The following UBE3C variants were observed in gnomAD, a reference collection of about 807,000 sequenced individuals.
UBE3C encodes the protein ubiquitin protein ligase E3C, also known as ubiquitin-protein ligase E3C.
UBE3C carries 42 observed loss-of-function variants against 129.4 expected under a neutral mutation model. That is an observed-to-expected ratio of 0.32 (90% confidence interval 0.25 to 0.42). The LOEUF is 0.42. Ranked by LOEUF, UBE3C falls within the 10% of genes least tolerant of loss-of-function variation. The pLI, the probability that UBE3C is intolerant of heterozygous loss-of-function variation, is 1.00. For synonymous variants in UBE3C, 510 were observed against 492.4 expected (o/e 1.04, Z -0.47); for missense variants, 1,049 against 1,319.1 (o/e 0.80, Z 3.17).
In UBE3C at chr7:157,231,209, A is replaced by G; in HGVS notation, c.2363A>G (p.Asn788Ser). 3.1e-6 allele frequency: 5 copies of G among 1,614,092 alleles called. No individual in the cohort carries two copies. Among genetic ancestry groups the G allele is most frequent in the African/African-American group, 1.3e-5 (1 of 75,002 alleles). ...CTACTGAAGTCAGGATTTAACCCCAACCAGGGGTTCTTTAAGACTACTAAT... is the reference window on the plus strand; with the variant it reads ...CTACTGAAGTCAGGATTTAACCCCAGCCAGGGGTTCTTTAAGACTACTAAT... ...NELLKSGFNP[N>S]QGFFKTTNEG... The change falls in exon 18 of 23, where the codon AAC (asparagine) becomes AGC (serine). Residue 788 changes from asparagine to serine, a missense_variant. By Grantham distance (46) the Asn-to-Ser change is conservative. Around this residue, in one of 4 missense-constraint regions of UBE3C, gnomAD observed 243 missense variants for 368.7 expected, o/e 0.66. Coordinates refer to ENST00000348165, the MANE Select transcript of UBE3C (RefSeq NM_014671.3).
intron 5 of UBE3C, among the ~76,000 whole-genome samples, chr7:157,177,405 T>C (rs1396810095): frequency 6.6e-6 from 1 of 152,248 alleles, no homozygotes; most frequent in South Asian, 2.1e-4. Context: ...AACCTGGAGC[T>C]ACATCCTATG....
intron 22 of UBE3C, among the ~76,000 whole-genome samples, chr7:157,266,935 T>G (rs939969070): frequency 1.3e-5 from 2 of 151,982 alleles, no homozygotes; most frequent in Non-Finnish European, 2.9e-5. Context: ...GGAAATGAGG[T>G]CTCGTTATGT....
chr7:157,259,248 G>A (rs1168745734), intron 22 of UBE3C, among the ~76,000 whole-genome samples: 3 of 152,222 alleles, frequency 2.0e-5, no homozygotes, highest in Admixed American at 2.0e-4. Context: ...GTGTTAGGCC[G>A]GTTGTCCCTT....
At chr7:157,235,212 A>G (rs1004764519) in intron 18 of UBE3C, among the ~76,000 whole-genome samples, 2 of 152,142 alleles carry the variant, frequency 1.3e-5, no homozygotes, top group African/African-American at 4.8e-5. Flanking sequence ...AGAAAAGAAA[A>G]GAAAATCTTT....
chr7:157,247,087 C>T (rs1212697137), intron 18 of UBE3C, among the ~76,000 whole-genome samples: 1 of 152,122 alleles, frequency 6.6e-6, no homozygotes, highest in Non-Finnish European at 1.5e-5. Context: ...GACGGGGTTT[C>T]ACCATGTCGG....
chr7:157,175,051 A>G lies in UBE3C; in HGVS notation c.458+17A>G. 2 of 1,594,542 alleles carry G rather than the reference A, an allele frequency of 1.3e-6. No individual in the cohort carries two copies. The highest frequency in any genetic ancestry group is 2.2e-5 in the South Asian group (2 of 89,376). On this transcript the variant is annotated intron_variant, in intron 5 of 22. Coordinates refer to ENST00000348165, the MANE Select transcript of UBE3C (RefSeq NM_014671.3). ...CTGTTGCAGGTAAAATTCTATTGTAAGTCAGTAACGTATATAATGTATTGA... is the reference window on the plus strand; with the variant it reads ...CTGTTGCAGGTAAAATTCTATTGTAGGTCAGTAACGTATATAATGTATTGA...
At chr7:157,163,940 A>G in intron 2 of UBE3C, 77 bp downstream of exon 2, 1 of 1,330,264 alleles carries the variant, frequency 7.5e-7, no homozygotes, top group Non-Finnish European at 1.1e-6. Flanking sequence ...TTTACTGTAT[A>G]TATGTATGTG....
intron 10 of UBE3C, among the ~76,000 whole-genome samples, chr7:157,200,143 A>G (rs1809240311): frequency 6.6e-6 from 1 of 152,200 alleles, no homozygotes; most frequent in Admixed American, 6.5e-5. Context: ...CCTACATGAC[A>G]TTGGAAAGAT....
chr7:157,148,731 C>CTTTTT (rs58138213), intron 1 of UBE3C, among the ~76,000 whole-genome samples: 4 of 131,792 alleles, frequency 3.0e-5, no homozygotes, highest in African/African-American at 8.4e-5. Flanking sequence ...CAAATTAGTT[C>CTTTTT]TTTTTTTTTT....
intron 1 of UBE3C, among the ~76,000 whole-genome samples, chr7:157,151,977 C>T (rs1453940647): frequency 1.3e-5 from 2 of 152,136 alleles, no homozygotes; most frequent in African/African-American, 4.8e-5. Flanking sequence ...TGTGTGTATC[C>T]TATTTCCAGA....
At chr7:157,162,483 G>A (rs1260393096) in intron 1 of UBE3C, among the ~76,000 whole-genome samples, 3 of 149,290 alleles carry the variant, frequency 2.0e-5, no homozygotes, top group Non-Finnish European at 3.0e-5. Flanking sequence ...GTGAGCCACC[G>A]TGCCCAGCCT....
intron 14 of UBE3C, chr7:157,217,276 T>C: frequency 4.7e-6 from 1 of 212,928 alleles, no homozygotes; most frequent in Admixed American, 5.9e-5. Flanking sequence ...AGTATTAATA[T>C]ATGTCTAGTA....
intron 13 of UBE3C, among the ~76,000 whole-genome samples, chr7:157,213,183 A>G (rs1383472506): frequency 6.6e-6 from 1 of 152,250 alleles, no homozygotes. Flanking sequence ...AACACATCAG[A>G]TGGACATAAT....
At chr7:157,158,011 T>C (rs1460582437) in intron 1 of UBE3C, among the ~76,000 whole-genome samples, 1 of 148,074 alleles carries the variant, frequency 6.8e-6, no homozygotes, top group African/African-American at 2.5e-5. Context: ...GAGAGATACA[T>C]ATAAACATGG....
Position 157,190,914 on chromosome 7 carries a change from T to C in UBE3C, c.1331+3893T>C, listed in dbSNP as rs555812408. Among the ~76,000 whole-genome samples the C allele has an allele frequency of 9.8e-5, 15 of 152,322 alleles. No individual in the cohort carries two copies. In the South Asian group the frequency reaches 3.1e-3, roughly 32 times the overall value. ...TGCCTCCATGGTGTTTCGTGCCCCT[T>C]TCCTTTTGCGTATGCCAGTCTCTTC... is the stretch of plus-strand genomic sequence containing the variant. On this transcript the variant is annotated intron_variant, in intron 10 of 22. Transcript: ENST00000348165.
chr7:157,238,102 A>T (rs911007936), intron 18 of UBE3C, among the ~76,000 whole-genome samples: 2 of 152,194 alleles, frequency 1.3e-5, no homozygotes, highest in Non-Finnish European at 2.9e-5. Flanking sequence ...TAAATATTCA[A>T]TTTAATTTAG....
intron 4 of UBE3C, among the ~76,000 whole-genome samples, chr7:157,171,699 T>A (rs1290657485): frequency 0.11 from 3,413 of 31,176 alleles, 185 homozygotes; most frequent in Non-Finnish European, 0.12. Flanking sequence ...TTTTTTTTTT[T>A]TTTTTTTTTT....
chr7:157,268,928 C>G lies in UBE3C; in HGVS notation c.*1173C>G, dbSNP rs1180947605. The G allele has an allele frequency of 6.6e-6, 1 of 152,646 alleles. No homozygotes were observed. Among genetic ancestry groups the G allele is most frequent in the Non-Finnish European group, 1.5e-5 (1 of 68,048 alleles). 9.5% of individuals were successfully genotyped at this position (152,646 alleles called of 1,614,324 possible). On this transcript the variant is annotated 3_prime_UTR_variant, in exon 23 of 23. Coordinates refer to ENST00000348165, the MANE Select transcript of UBE3C (RefSeq NM_014671.3). ...GCTGGGGGGAGGGGATCTAAATCCTCATTTATCTCTTCTATGTCTCGTATT... is the reference window on the plus strand; with the variant it reads ...GCTGGGGGGAGGGGATCTAAATCCTGATTTATCTCTTCTATGTCTCGTATT...
chr7:157,192,410 C>T, intron 10 of UBE3C: 1 of 714,724 alleles, frequency 1.4e-6, no homozygotes. Flanking sequence ...GACCATCACC[C>T]TCAAGGTTGA....
Sources: gnomAD v4.1 joint callset for allele counts (sites outside exome capture counted in the v4.1 genomes callset) on GRCh38, gnomAD v4.1.1 for gene constraint, gnomAD v4.1.1 regional missense constraint, MANE v1.5 for transcripts, NCBI Gene and HGNC (gene_info 2026-07-23, HGNC 2026-07-21) for gene names.